The following PRH1 variants were observed in gnomAD, a reference collection of about 807,000 sequenced individuals.
PRH1 encodes salivary acidic proline-rich phosphoprotein 1/2.
In PRH1, 7 loss-of-function variants were observed where a neutral mutation model predicts 7.9. That is an observed-to-expected ratio of 0.89 (90% CI 0.50 to 1.67). The LOEUF (loss-of-function observed/expected upper bound fraction) is 1.67. PRH1 is among the 40% of genes most tolerant of loss of function. The pLI is 0.00. For missense variants in PRH1, 109 were observed against 223.6 expected, an observed-to-expected ratio of 0.49 and a Z score of 3.27; for synonymous variants, 45 against 80.8, an observed-to-expected ratio of 0.56 and a Z score of 2.38.
chr12:11,037,430 A>C (rs1352722231), intron 1 of PRH1, among the ~76,000 whole-genome samples: 1 of 152,248 alleles, frequency 6.6e-6, no homozygotes, highest in Non-Finnish European at 1.5e-5. Flanking sequence ...TTATAGTAAC[A>C]AAATATTTAA....
chr12:10,919,934 T>G (rs1471499628), intron 2 of PRH1, among the ~76,000 whole-genome samples: 1 of 150,592 alleles, frequency 6.6e-6, no homozygotes, highest in Non-Finnish European at 1.5e-5. Flanking sequence ...TGACAGAGTC[T>G]TGCTCTGTAG....
At chr12:11,166,841 C>T (rs777786706) in intron 1 of PRH1, among the ~76,000 whole-genome samples, 1 of 152,218 alleles carries the variant, frequency 6.6e-6, no homozygotes, top group East Asian at 1.9e-4. Flanking sequence ...GGCTGCATTG[C>T]TTTCTGGAGG....
In PRH1 at chr12:10,931,303, C is replaced by T. The variant is rs183990265; in HGVS notation, c.-59+42352G>A. 3.2e-4 allele frequency: 307 copies of T among 968,486 alleles called. 1 individual carries two copies. The highest frequency in any genetic ancestry group is 4.0e-4 in the Non-Finnish European group (266 of 668,010). 60.0% of individuals were successfully genotyped at this position (968,486 alleles called of 1,614,324 possible). A position where few individuals can be genotyped will look rare whatever the true frequency, so the allele number is the denominator to read the frequency against. The stretch of plus-strand genomic sequence containing the variant: ...GAGAATCACTATCTTCAAATTACCT[C>T]TCTTAAATAGGGTTGGGAATGAGGA... On this transcript the variant is annotated intron_variant, in intron 2 of 3. Coordinates refer to the PRH1 transcript ENST00000539853.
At chr12:11,107,113 AC>A (rs1333855490) in intron 1 of PRH1, among the ~76,000 whole-genome samples, 1 of 152,080 alleles carries the variant, frequency 6.6e-6, no homozygotes, top group African/African-American at 2.4e-5. Context: ...GTGTCCTCCC[AC>A]CTCAGCTTCT....
chr12:11,159,837 G>T (rs1220480451), intron 1 of PRH1: 1 of 152,144 alleles, frequency 6.6e-6, no homozygotes, highest in Non-Finnish European at 1.5e-5. Flanking sequence ...TATATGTTCA[G>T]AGATCTTCAT....
intron 2 of PRH1, among the ~76,000 whole-genome samples, chr12:10,956,837 T>C (rs933738524): frequency 6.6e-6 from 1 of 151,814 alleles, no homozygotes; most frequent in Non-Finnish European, 1.5e-5. Context: ...ATAAAATACA[T>C]AGGAATACAG....
At chr12:11,135,988 G>A (rs1337541444) in intron 1 of PRH1, among the ~76,000 whole-genome samples, 7 of 151,724 alleles carry the variant, frequency 4.6e-5, no homozygotes, top group Non-Finnish European at 8.8e-5. Context: ...GGGAAATACC[G>A]CAGTGTATCA....
chr12:10,994,980 T>C (rs758722369), intron 1 of PRH1, among the ~76,000 whole-genome samples: 4 of 152,204 alleles, frequency 2.6e-5, no homozygotes, highest in Admixed American at 1.3e-4. Context: ...GTCACACATC[T>C]GATATAGCTG....
At chr12:11,095,960 G>A (rs1468539858) in intron 1 of PRH1, among the ~76,000 whole-genome samples, 3 of 113,508 alleles carry the variant, frequency 2.6e-5, no homozygotes, top group African/African-American at 3.0e-5. Context: ...TCAGCTTGTC[G>A]TTTAGACAGT....
chr12:11,145,240 G>A (rs1327960912), intron 1 of PRH1, among the ~76,000 whole-genome samples: 1 of 152,098 alleles, frequency 6.6e-6, no homozygotes, highest in African/African-American at 2.4e-5. Flanking sequence ...TGCCCAGGTT[G>A]GAATACAGTG....
chr12:11,081,159 C>A (rs1944486934), intron 1 of PRH1, among the ~76,000 whole-genome samples: 1 of 130,998 alleles, frequency 7.6e-6, no homozygotes, highest in African/African-American at 2.7e-5. Context: ...AATGTGTTAC[C>A]CTCTAGCTTT....
chr12:10,885,871 G>C (rs936544531), upstream of PRH1, among the ~76,000 whole-genome samples: 1 of 152,230 alleles, frequency 6.6e-6, no homozygotes, highest in African/African-American at 2.4e-5. Flanking sequence ...AGTGGATCCT[G>C]TGCTGGGCAT....
intron 2 of PRH1, among the ~76,000 whole-genome samples, chr12:10,946,962 T>C (rs1950497490): frequency 6.6e-6 from 1 of 152,226 alleles, no homozygotes; most frequent in Admixed American, 6.5e-5. Flanking sequence ...TTGTGTTGAC[T>C]TTTATTTTTA....
At chr12:10,988,519 T>C (rs1358422234) in intron 1 of PRH1, among the ~76,000 whole-genome samples, 1 of 152,132 alleles carries the variant, frequency 6.6e-6, no homozygotes, top group Non-Finnish European at 1.5e-5. Flanking sequence ...GTATAAATGG[T>C]GAATTTTTTG....
intron 2 of PRH1, among the ~76,000 whole-genome samples, chr12:10,928,199 A>G (rs960303149): frequency 3.9e-5 from 6 of 152,244 alleles, no homozygotes; most frequent in African/African-American, 1.4e-4. Flanking sequence ...AGAATATCAT[A>G]GAAAAAATCA....
intron 1 of PRH1, chr12:10,985,773 CTT>C: frequency 1.7e-6 from 1 of 603,882 alleles, no homozygotes; most frequent in Non-Finnish European, 2.8e-6. Flanking sequence ...CATAGATACA[CTT>C]TTAGACTAAC....
downstream of PRH1, among the ~76,000 whole-genome samples, chr12:11,119,743 T>C (rs1415670285): frequency 1.3e-5 from 2 of 152,320 alleles, no homozygotes; most frequent in East Asian, 3.9e-4. Flanking sequence ...CTGTAGCCTA[T>C]TGTCTTAAAT....
intron 1 of PRH1, among the ~76,000 whole-genome samples, chr12:11,151,353 G>A (rs1257763120): frequency 6.6e-6 from 1 of 151,954 alleles, no homozygotes; most frequent in Admixed American, 6.6e-5. Context: ...ACCAGGGGCT[G>A]GTTAGAGAGG....
At chr12:11,062,098 C>A in intron 1 of PRH1, 1 of 1,613,562 alleles carries the variant, frequency 6.2e-7, no homozygotes, top group East Asian at 2.2e-5. Flanking sequence ...AGTTGCATAC[C>A]AATTTAATAC....
Sources: allele counts gnomAD v4.1 joint callset (sites outside exome capture counted in the v4.1 genomes callset), GRCh38; gene constraint gnomAD v4.1.1; transcripts MANE v1.5; gene names NCBI Gene and HGNC (gene_info 2026-07-23, HGNC 2026-07-21).